The following TNS1 variants were observed in gnomAD, a reference collection of about 807,000 sequenced individuals.
The protein encoded by TNS1 is tensin-1.
In TNS1, 62 loss-of-function variants were observed where a neutral mutation model predicts 168.6. That is an observed-to-expected ratio of 0.37 (90% CI 0.30 to 0.45). The LOEUF (loss-of-function observed/expected upper bound fraction) is 0.45, where lower values mean the gene tolerates loss of function less well. Ranked by LOEUF, TNS1 falls within the 20% of genes least tolerant of loss-of-function variation. The pLI, the probability that TNS1 is intolerant of heterozygous loss-of-function variation, is 1.00. For synonymous variants in TNS1, 934 were observed against 933.2 expected, an observed-to-expected ratio of 1.00 and a Z score of -0.02; for missense variants, 2,240 against 2,339.4, an observed-to-expected ratio of 0.96 and a Z score of 0.88.
intron 3 of TNS1, among the ~76,000 whole-genome samples, chr2:217,952,406 C>T (rs1314781324): frequency 1.3e-5 from 2 of 152,118 alleles, no homozygotes; most frequent in Non-Finnish European, 2.9e-5. Context: ...TGTCATATTG[C>T]CTCTAAAAGG....
At chr2:217,853,073 C>G (rs1037288132) in intron 18 of TNS1, among the ~76,000 whole-genome samples, 3 of 152,138 alleles carry the variant, frequency 2.0e-5, no homozygotes, top group East Asian at 1.9e-4. Flanking sequence ...CCCCAGCCCC[C>G]ACTCCGGCAC....
intron 32 of TNS1, among the ~76,000 whole-genome samples, chr2:217,805,408 T>C (rs925286219): frequency 8.4e-5 from 2 of 23,806 alleles, no homozygotes; most frequent in African/African-American, 1.6e-4. Context: ...CCTGTGTGCC[T>C]GTGTGTACAA....
intron 18 of TNS1, among the ~76,000 whole-genome samples, chr2:217,879,808 C>A (rs1950524954): frequency 6.6e-6 from 1 of 152,060 alleles, no homozygotes; most frequent in Non-Finnish European, 1.5e-5. Flanking sequence ...CACAGGGAGG[C>A]CCCCAGGCCT....
At chr2:217,906,270 C>T in intron 6 of TNS1, 65 bp downstream of exon 6, 1 of 636,214 alleles carries the variant, frequency 1.6e-6, no homozygotes, top group East Asian at 2.9e-5. Context: ...CCACCTCCCA[C>T]CCCACCCCAT....
chr2:217,986,898 C>T lies in TNS1; in HGVS notation c.148+4044G>A, dbSNP rs959797583. 6.6e-6 allele frequency: 1 copy of T among 152,268 alleles called. No homozygotes were observed. The highest frequency in any genetic ancestry group is 1.5e-5 in the Non-Finnish European group (1 of 68,064). The allele number at this position is 152,268 out of a possible 1,614,324, so 9.4% of individuals were successfully genotyped here. ...ATCTGACCCAGAGGACAGCTCAGTT[C>T]ATGATTGCCAGATGGCTGCACGCAG... is the stretch of plus-strand genomic sequence containing the variant. On this transcript the variant is annotated intron_variant, in intron 2 of 32. Coordinates refer to ENST00000682258, the MANE Select transcript of TNS1 (RefSeq NM_001387777.1). The surrounding 1 kb of genome is among the most constrained non-coding windows in gnomAD (Gnocchi z 4.7).
At chr2:217,941,439 G>A (rs907216808) in intron 3 of TNS1, among the ~76,000 whole-genome samples, 1 of 152,234 alleles carries the variant, frequency 6.6e-6, no homozygotes, top group African/African-American at 2.4e-5. Flanking sequence ...GCAGCTGGGT[G>A]CGGACCTGGT....
intron 2 of TNS1, among the ~76,000 whole-genome samples, chr2:217,983,360 C>T (rs551974502): frequency 6.6e-6 from 1 of 152,290 alleles, no homozygotes; most frequent in Non-Finnish European, 1.5e-5. Flanking sequence ...AGCCAGTGAC[C>T]CTGTCCAACC....
At chr2:217,877,134 T>A (rs1950269213) in intron 18 of TNS1, among the ~76,000 whole-genome samples, 1 of 151,934 alleles carries the variant, frequency 6.6e-6, no homozygotes, top group South Asian at 2.1e-4. Context: ...GCCCCCCTCC[T>A]CCTGGCCCAG....
intron 10 of TNS1, 35 bp downstream of exon 10, chr2:217,893,404 A>ACACG: frequency 8.5e-7 from 1 of 1,176,846 alleles, no homozygotes; most frequent in South Asian, 1.4e-5. Context: ...GCGCGCGCAC[A>ACACG]CACACACACA....
At chr2:217,807,961 GT>G (rs1939502679) in intron 32 of TNS1, 113 bp downstream of exon 32, 13 of 1,297,528 alleles carry the variant, frequency 1.0e-5, no homozygotes, top group Non-Finnish European at 1.4e-5. Flanking sequence ...TGGCACAAAG[GT>G]TTTTGCTGCT....
At position 217,991,018 on chromosome 2, in the gene TNS1, C is replaced by T; in HGVS notation, c.72G>A (p.Lys24=). The T allele has an allele frequency of 1.4e-6, 1 of 694,626 alleles. No homozygotes were observed. Among genetic ancestry groups the T allele is most frequent in the South Asian group, 1.5e-5 (1 of 66,536 alleles). The allele number at this position is 694,626 out of a possible 1,614,324, so 43.0% of individuals were successfully genotyped here. A position where few individuals can be genotyped will look rare whatever the true frequency, so the allele number is the denominator to read the frequency against. The change falls in exon 2 of 33, where the codon AAG becomes AAA. Residue 24 remains lysine, a synonymous_variant. Coordinates refer to ENST00000682258, the MANE Select transcript of TNS1 (RefSeq NM_001387777.1). The part of the protein sequence containing the change: ...DLEAPKTHRF[K]VKTFKKVKPC... ...GCTTCACCTTCTTGAAGGTCTTCAC[C>T]TTGAAGCGGTGTGTCTTGGGGGCCT...
upstream of TNS1, among the ~76,000 whole-genome samples, chr2:218,012,975 C>T (rs371882227): frequency 4.6e-5 from 7 of 152,176 alleles, no homozygotes; most frequent in African/African-American, 1.2e-4. Context: ...AGGCCATGCA[C>T]GGTGGCTCAC....
At chr2:217,874,055 G>T (rs1950007683) in intron 18 of TNS1, among the ~76,000 whole-genome samples, 1 of 105,468 alleles carries the variant, frequency 9.5e-6, no homozygotes, top group Non-Finnish European at 1.7e-5. Context: ...CACACACACA[G>T]CTAGCAGCCA....
At chr2:217,812,340 T>C in intron 28 of TNS1, 28 bp downstream of exon 28, 1 of 1,596,142 alleles carries the variant, frequency 6.3e-7, no homozygotes, top group Non-Finnish European at 8.6e-7. Context: ...AGGGTGTGGG[T>C]GGTGAGCCAG....
At chr2:217,925,864 A>G (rs947833868) in intron 3 of TNS1, among the ~76,000 whole-genome samples, 10 of 152,200 alleles carry the variant, frequency 6.6e-5, no homozygotes, top group East Asian at 3.9e-4. Context: ...TATTCTAGGT[A>G]CCTCCTATAA....
chr2:217,800,586 T>G lies in TNS1; in HGVS notation c.*3873A>C, dbSNP rs977845734. Reference sequence around the variant, plus strand: ...GCACATGCGCACACACGTCCTGTGTTACCACTGGCCAAGGAAACGCGAGTC... The same window carrying G: ...GCACATGCGCACACACGTCCTGTGTGACCACTGGCCAAGGAAACGCGAGTC... On this transcript the variant is annotated 3_prime_UTR_variant, in exon 33 of 33. Transcript: ENST00000682258. 6.6e-6 allele frequency: 1 copy of G among 152,232 alleles called. No individual in the cohort carries two copies. The highest frequency in any genetic ancestry group is 2.4e-5 in the African/African-American group (1 of 41,424). The allele number at this position is 152,232 out of a possible 1,614,324, so 9.4% of individuals were successfully genotyped here.
intron 3 of TNS1, among the ~76,000 whole-genome samples, chr2:217,976,955 G>A (rs1049684058): frequency 6.6e-6 from 1 of 152,344 alleles, no homozygotes; most frequent in African/African-American, 2.4e-5. Flanking sequence ...GAATTACACC[G>A]GGACACCTTG....
Position 217,804,558 on chromosome 2 carries a change from G to C in TNS1, c.5421C>G (p.Asn1807Lys). 1 of 1,614,148 alleles carries C rather than the reference G, an allele frequency of 6.2e-7. No individual in the cohort carries two copies. Among genetic ancestry groups the C allele is most frequent in the East Asian group, 2.2e-5 (1 of 44,878 alleles). The change falls in exon 33 of 33, where the codon AAC becomes AAG. Residue 1807 changes from asparagine (N) to lysine (K), a missense_variant. Coordinates refer to ENST00000682258, the MANE Select transcript of TNS1 (RefSeq NM_001387777.1). Reference sequence around the variant, plus strand: ...CAAGCTCAGCAAAGAGGTGGCAGGCGTTGTCCGTGGTGCTGCCCTGCTTCC... The same window carrying C: ...CAAGCTCAGCAAAGAGGTGGCAGGCCTTGTCCGTGGTGCTGCCCTGCTTCC... ...VARKQGSTTDNACHLFAELDP... is the reference protein window; with the variant it reads ...VARKQGSTTDKACHLFAELDP...
intron 12 of TNS1, among the ~76,000 whole-genome samples, chr2:217,887,470 G>A (rs1006856756): frequency 2.6e-5 from 4 of 152,022 alleles, no homozygotes; most frequent in East Asian, 1.9e-4. Context: ...CACCATGCCC[G>A]GCTAATTTTG....
Sources: gnomAD v4.1 joint callset for allele counts (sites outside exome capture counted in the v4.1 genomes callset) on GRCh38, gnomAD v4.1.1 for gene constraint, Gnocchi (gnomAD v3.1) non-coding constraint, MANE v1.5 for transcripts, NCBI Gene and HGNC (gene_info 2026-07-23, HGNC 2026-07-21) for gene names.